PLCH1: variants seen among roughly 807,000 people sequenced by gnomAD.
PLCH1 encodes the protein phospholipase C eta 1.
PLCH1 carries 60 observed loss-of-function variants against 126.7 expected under a neutral mutation model. The ratio of observed to expected loss-of-function variants is 0.47; its 90% CI spans 0.38 to 0.59. PLCH1 has a LOEUF of 0.59. PLCH1 is among the 20% of genes least tolerant of loss of function. The pLI is 0.00. For synonymous variants in PLCH1, 719 were observed against 734.9 expected, an observed-to-expected ratio of 0.98 and a Z score of 0.35; for missense variants, 1,723 against 2,040.0, an observed-to-expected ratio of 0.84 and a Z score of 2.99.
At chr3:155,491,104 C>A (rs561645804) in intron 18 of PLCH1, among the ~76,000 whole-genome samples, 19 of 152,280 alleles carry the variant, frequency 1.2e-4, no homozygotes, top group African/African-American at 3.9e-4. Context: ...ACCCACTGAA[C>A]CTACAACTTT....
intron 21 of PLCH1, among the ~76,000 whole-genome samples, chr3:155,487,601 C>G (rs563257249): frequency 1.3e-5 from 2 of 152,196 alleles, no homozygotes; most frequent in South Asian, 2.1e-4. Context: ...ATGAATGTAG[C>G]CTGCCTAGAA....
At chr3:155,519,554 C>T (rs1262809099) in intron 11 of PLCH1, among the ~76,000 whole-genome samples, 1 of 152,018 alleles carries the variant, frequency 6.6e-6, no homozygotes, top group East Asian at 1.9e-4. Flanking sequence ...GGTGCTGCTC[C>T]TTGAAAGGAA....
At chr3:155,452,255 A>G (rs967270615) in intron 21 of PLCH1, among the ~76,000 whole-genome samples, 1 of 152,194 alleles carries the variant, frequency 6.6e-6, no homozygotes, top group African/African-American at 2.4e-5. Flanking sequence ...TGATAAAACC[A>G]TCAATCTCGT....
chr3:155,486,513 G>GTTTTTTT (rs397733786), intron 21 of PLCH1, among the ~76,000 whole-genome samples: 18 of 102,032 alleles, frequency 1.8e-4, no homozygotes, highest in Non-Finnish European at 2.5e-4. Context: ...GCTCAAGTTT[G>GTTTTTTT]TTTTTTTTTT....
At chr3:155,462,634 C>T (rs915617801) in intron 21 of PLCH1, among the ~76,000 whole-genome samples, 19 of 152,188 alleles carry the variant, frequency 1.2e-4, no homozygotes, top group African/African-American at 3.6e-4. Flanking sequence ...AGAGATGCAG[C>T]ATATCAGACC....
In PLCH1 at chr3:155,460,139, C is replaced by G. The variant is rs140257264; in HGVS notation, c.2938+25217G>C. On this transcript the variant is annotated intron_variant, in intron 21 of 21. Transcript: ENST00000494598. ...GAGAACTGATGAACATAGGATGATG[C>G]TGGACAGTATAATGGACAGTTGCAA... 4.3e-3 allele frequency among the ~76,000 whole-genome samples: 657 copies of G among 152,252 alleles called. 4 individuals are homozygous for G. Among genetic ancestry groups the G allele is most frequent in the African/African-American group, 0.015 (622 of 41,552 alleles).
At chr3:155,600,602 TA>T (rs5853725) in intron 2 of PLCH1, among the ~76,000 whole-genome samples, 67,965 of 128,194 alleles carry the variant, frequency 0.53, 18,413 homozygotes, top group Non-Finnish European at 0.66. Flanking sequence ...TTAAGATAGC[TA>T]AAAAAAAAAA....
At chr3:155,687,817 G>A (rs1381120149) in intron 2 of PLCH1, among the ~76,000 whole-genome samples, 2 of 152,066 alleles carry the variant, frequency 1.3e-5, no homozygotes, top group Non-Finnish European at 2.9e-5. Flanking sequence ...GATACACAGG[G>A]CAACTGCTTT....
downstream of PLCH1, among the ~76,000 whole-genome samples, chr3:155,479,267 A>T: frequency 6.6e-6 from 1 of 152,194 alleles, no homozygotes; most frequent in African/African-American, 2.4e-5. Flanking sequence ...CTAAGGATAG[A>T]ATTAGGAGAT....
chr3:155,550,011 G>A (rs1725899005), intron 9 of PLCH1, 53 bp from the exon 10 acceptor site: 1 of 1,376,130 alleles, frequency 7.3e-7, no homozygotes, highest in African/African-American at 1.4e-5. Flanking sequence ...AACTCACAGG[G>A]ACTTTTGAAA....
intron 1 of PLCH1, among the ~76,000 whole-genome samples, chr3:155,741,684 C>CTTTTATTTTTTTTTTTTTTTTTTTTTTTT: frequency 1.4e-4 from 14 of 102,862 alleles, no homozygotes; most frequent in African/African-American, 6.2e-4. Flanking sequence ...TTTATATCCT[C>CTTTTATTTTTTTTTTTTTTTTTTTTTTTT]TTTTTTTTTT....
intron 22 of PLCH1, among the ~76,000 whole-genome samples, chr3:155,484,474 G>C (rs933489917): frequency 1.3e-5 from 2 of 152,190 alleles, no homozygotes; most frequent in African/African-American, 4.8e-5. Flanking sequence ...GGAAAAGAGA[G>C]CACTGAAATT....
chr3:155,521,018 G>C (rs1404006787), intron 11 of PLCH1, among the ~76,000 whole-genome samples: 1 of 152,168 alleles, frequency 6.6e-6, no homozygotes. Context: ...TGCGCTTGGG[G>C]TTCTTTCTGC....
chr3:155,569,690 C>A (rs188554611), intron 6 of PLCH1, among the ~76,000 whole-genome samples: 3 of 152,218 alleles, frequency 2.0e-5, no homozygotes, highest in African/African-American at 7.2e-5. Context: ...TAATTTTTCA[C>A]AAAATAAAAT....
chr3:155,706,401 C>T (rs190269132), intron 1 of PLCH1, among the ~76,000 whole-genome samples: 1 of 151,980 alleles, frequency 6.6e-6, no homozygotes, highest in African/African-American at 2.4e-5. Context: ...GTGGGCAGAT[C>T]ACGAGGTCAG....
chr3:155,616,148 T>C (rs1735773637), intron 2 of PLCH1, among the ~76,000 whole-genome samples: 1 of 152,198 alleles, frequency 6.6e-6, no homozygotes, highest in Non-Finnish European at 1.5e-5. Flanking sequence ...TCCTACACTC[T>C]ACACCTGATA....
At chr3:155,726,439 T>C (rs796282648) in intron 1 of PLCH1, among the ~76,000 whole-genome samples, 4 of 152,304 alleles carry the variant, frequency 2.6e-5, no homozygotes, top group African/African-American at 9.6e-5. Flanking sequence ...ATTGTCAGGA[T>C]AATTTGTCAT....
chr3:155,716,590 G>A (rs1747527258), intron 1 of PLCH1, among the ~76,000 whole-genome samples: 1 of 152,054 alleles, frequency 6.6e-6, no homozygotes, highest in South Asian at 2.1e-4. Context: ...AGAATACGAT[G>A]GGGGGTGCCA....
intron 2 of PLCH1, among the ~76,000 whole-genome samples, chr3:155,700,560 C>T (rs1746198765): frequency 6.6e-6 from 1 of 152,062 alleles, no homozygotes; most frequent in Non-Finnish European, 1.5e-5. Flanking sequence ...GAGATGATAA[C>T]CTAATAACTT....
Sources: allele counts gnomAD v4.1 joint callset (sites outside exome capture counted in the v4.1 genomes callset), GRCh38; gene constraint gnomAD v4.1.1; transcripts MANE v1.5; gene names NCBI Gene and HGNC (gene_info 2026-07-23, HGNC 2026-07-21).